The following EYS variants were observed in gnomAD, a reference collection of about 807,000 sequenced individuals.
The protein encoded by EYS is EGF-like photoreceptor maintenance factor, also known as protein eyes shut homolog.
Under a neutral mutation model 282.1 loss-of-function variants are expected in EYS, and 250 were observed. The observed-to-expected ratio is 0.89, with a 90% CI of 0.80 to 0.98. EYS has a LOEUF of 0.98. EYS is among the 50% of genes least tolerant of loss of function. The probability of loss-of-function intolerance (pLI) is 0.00; values close to 1 mark genes in which losing one functional copy is unlikely to be tolerated. For synonymous variants in EYS, 1,355 were observed against 1,282.9 expected, an observed-to-expected ratio of 1.06 and a Z score of -1.20; for missense variants, 4,016 against 3,709.0, an observed-to-expected ratio of 1.08 and a Z score of -2.15.
At chr6:64,475,550 C>CAAAAAAAAAAAA (rs56710433) in intron 26 of EYS, among the ~76,000 whole-genome samples, 1 of 43,878 alleles carries the variant, frequency 2.3e-5, no homozygotes, top group Non-Finnish European at 4.6e-5. Context: ...GACTCCGTCT[C>CAAAAAAAAAAAA]AAAAAAAAAA....
intron 13 of EYS, among the ~76,000 whole-genome samples, chr6:65,051,654 C>A (rs1239929200): frequency 6.6e-6 from 1 of 151,380 alleles, no homozygotes; most frequent in African/African-American, 2.4e-5. Flanking sequence ...TAAATAAATT[C>A]TCCTAACTGA....
intron 5 of EYS, among the ~76,000 whole-genome samples, chr6:65,483,669 G>T (rs1056944813): frequency 6.6e-6 from 1 of 152,132 alleles, no homozygotes; most frequent in African/African-American, 2.4e-5. Flanking sequence ...TAGAAAATAT[G>T]TATCAAATAA....
At chr6:64,388,559 T>C (rs1280222372) in intron 29 of EYS, 131 bp downstream of exon 29, 2 of 763,326 alleles carry the variant, frequency 2.6e-6, no homozygotes, top group African/African-American at 1.8e-5. Flanking sequence ...ACTCAAAAAC[T>C]TTTTTGAAAC....
At chr6:65,515,073 C>G (rs557646873) in intron 2 of EYS, among the ~76,000 whole-genome samples, 1 of 152,012 alleles carries the variant, frequency 6.6e-6, no homozygotes, top group African/African-American at 2.4e-5. Flanking sequence ...GAATCTACAA[C>G]GAACTCAAAC....
chr6:63,738,480 C>T (rs190980256), intron 41 of EYS, among the ~76,000 whole-genome samples: 5,008 of 150,788 alleles, frequency 0.033, 139 homozygotes, highest in South Asian at 0.11. Context: ...AGTAAACTAT[C>T]GCAAGAACAA....
chr6:64,130,381 C>CA (rs946967961), intron 31 of EYS, among the ~76,000 whole-genome samples: 2 of 151,972 alleles, frequency 1.3e-5, no homozygotes, highest in Admixed American at 6.6e-5. Context: ...GTCACAAGGA[C>CA]AAAAAACCAA....
At chr6:64,623,561 G>T (rs1367915022) in intron 23 of EYS, among the ~76,000 whole-genome samples, 2 of 152,058 alleles carry the variant, frequency 1.3e-5, no homozygotes, top group Non-Finnish European at 2.9e-5. Flanking sequence ...GCACATACAT[G>T]CCAAAGAACT....
chr6:64,296,563 TATATATATATATATATATATACATATA>T (rs1769005259), intron 30 of EYS, among the ~76,000 whole-genome samples: 4 of 6,958 alleles, frequency 5.7e-4, no homozygotes, highest in African/African-American at 2.2e-3. Flanking sequence ...TATATATATA[TATATATATATATATATATATACATATA>T]TATATATATT....
At chr6:64,908,816 G>T (rs929525798) in intron 16 of EYS, among the ~76,000 whole-genome samples, 1 of 152,078 alleles carries the variant, frequency 6.6e-6, no homozygotes, top group Admixed American at 6.5e-5. Context: ...AGACTCAAAG[G>T]TGGGTACAAC....
chr6:64,893,865 A>G (rs1334434396), intron 18 of EYS, among the ~76,000 whole-genome samples: 6 of 151,994 alleles, frequency 3.9e-5, no homozygotes. Flanking sequence ...ATACACATAT[A>G]TGTACACATA....
chr6:65,328,348 C>T (rs543324748), intron 11 of EYS, among the ~76,000 whole-genome samples: 1 of 151,450 alleles, frequency 6.6e-6, no homozygotes, highest in African/African-American at 2.4e-5. Flanking sequence ...CAACCATGTA[C>T]TAGTACGTCT....
chr6:64,370,829 T>C (rs1772343405), intron 29 of EYS, among the ~76,000 whole-genome samples: 2 of 152,154 alleles, frequency 1.3e-5, no homozygotes, highest in Non-Finnish European at 2.9e-5. Flanking sequence ...TAATAGTCTC[T>C]GACAGTTTTT....
intron 10 of EYS, among the ~76,000 whole-genome samples, chr6:65,343,794 CAA>C (rs1293361891): frequency 6.6e-6 from 1 of 151,250 alleles, no homozygotes; most frequent in Non-Finnish European, 1.5e-5. Flanking sequence ...TAATAAAAAA[CAA>C]GAAGACTAGG....
chr6:63,909,162 C>A (rs570550206), intron 35 of EYS, among the ~76,000 whole-genome samples: 72 of 152,076 alleles, frequency 4.7e-4, no homozygotes, highest in Non-Finnish European at 8.7e-4. Context: ...CTGAAAATGC[C>A]CTCTATGTGG....
At chr6:64,699,699 A>C (rs926147374) in intron 22 of EYS, among the ~76,000 whole-genome samples, 1 of 151,554 alleles carries the variant, frequency 6.6e-6, no homozygotes, top group African/African-American at 2.4e-5. Flanking sequence ...CTGAATTAGC[A>C]ATAAAAAATC....
At chr6:63,921,159 G>C (rs1299403826) in intron 35 of EYS, among the ~76,000 whole-genome samples, 1 of 152,218 alleles carries the variant, frequency 6.6e-6, no homozygotes, top group Non-Finnish European at 1.5e-5. Flanking sequence ...GCATCCCAAA[G>C]TGCTGGGATT....
At chr6:63,734,460 T>C (rs934169600) in intron 41 of EYS, among the ~76,000 whole-genome samples, 6 of 152,108 alleles carry the variant, frequency 3.9e-5, no homozygotes, top group African/African-American at 1.4e-4. Context: ...GTTGCTGCAC[T>C]GAGAATACAG....
At chr6:64,216,899 A>G (rs543383777) in intron 31 of EYS, among the ~76,000 whole-genome samples, 1 of 152,102 alleles carries the variant, frequency 6.6e-6, no homozygotes, top group Non-Finnish European at 1.5e-5. Flanking sequence ...GATTCCCCCA[A>G]AGTTACATAA....
chr6:64,063,929 T>A (rs1031443856), intron 33 of EYS, among the ~76,000 whole-genome samples: 3 of 152,170 alleles, frequency 2.0e-5, no homozygotes, highest in Admixed American at 6.5e-5. Context: ...GGTTTCACCA[T>A]GTTGGCCAGG....
Sources: allele counts gnomAD v4.1 joint callset (sites outside exome capture counted in the v4.1 genomes callset), GRCh38; gene constraint gnomAD v4.1.1; transcripts MANE v1.5; gene names NCBI Gene and HGNC (gene_info 2026-07-23, HGNC 2026-07-21).